RSL24D1: variants seen among roughly 807,000 people sequenced by gnomAD.
The protein encoded by RSL24D1 is probable ribosome biogenesis protein RLP24.
In RSL24D1, 6 loss-of-function variants were observed where a neutral mutation model predicts 26.2. The ratio of observed to expected loss-of-function variants is 0.23; its 90% CI spans 0.13 to 0.45. The LOEUF is 0.45. Ranked by LOEUF, RSL24D1 falls within the 20% of genes least tolerant of loss-of-function variation. The pLI, the probability that RSL24D1 is intolerant of heterozygous loss-of-function variation, is 0.99. For synonymous variants in RSL24D1, 61 were observed against 59.1 expected, an observed-to-expected ratio of 1.03 and a Z score of -0.15; for missense variants, 176 against 202.6, an observed-to-expected ratio of 0.87 and a Z score of 0.80.
intron 3 of RSL24D1, among the ~76,000 whole-genome samples, chr15:55,188,692 T>A (rs563117900): frequency 1.6e-4 from 25 of 152,278 alleles, no homozygotes; most frequent in African/African-American, 5.8e-4. Context: ...GCAATGTAAA[T>A]AACATGACAC....
At chr15:55,183,978 A>C (rs745871861) in intron 4 of RSL24D1, among the ~76,000 whole-genome samples, 1 of 152,224 alleles carries the variant, frequency 6.6e-6, no homozygotes, top group Non-Finnish European at 1.5e-5. Flanking sequence ...CCTCAAATAG[A>C]TAAGTCTCTG....
At chr15:55,182,867 A>C (rs192511097) in intron 5 of RSL24D1, among the ~76,000 whole-genome samples, 4 of 152,312 alleles carry the variant, frequency 2.6e-5, no homozygotes, top group Non-Finnish European at 4.4e-5. Flanking sequence ...TGAGCAAAAG[A>C]AACAGTAGTC....
intron 4 of RSL24D1, 128 bp downstream of exon 4, chr15:55,185,234 T>C: frequency 3.5e-6 from 2 of 563,882 alleles, no homozygotes; most frequent in Non-Finnish European, 6.2e-6. Context: ...GTTCTTCATA[T>C]TATTCCTTGA....
chr15:55,183,454 G>T, intron 4 of RSL24D1, 54 bp from the exon 5 acceptor site: 2 of 1,287,980 alleles, frequency 1.6e-6, no homozygotes, highest in Non-Finnish European at 2.2e-6. Flanking sequence ...TGCTTTAAGA[G>T]GCATCAATTC....
intron 3 of RSL24D1, among the ~76,000 whole-genome samples, chr15:55,187,752 G>A (rs753108922): frequency 2.6e-5 from 4 of 151,920 alleles, no homozygotes; most frequent in Non-Finnish European, 5.9e-5. Flanking sequence ...AAGGGGGAGT[G>A]GGGTGGGGTA....
At chr15:55,188,731 TC>T (rs1176217645) in intron 3 of RSL24D1, among the ~76,000 whole-genome samples, 1 of 152,254 alleles carries the variant, frequency 6.6e-6, no homozygotes, top group Non-Finnish European at 1.5e-5. Context: ...AACTGATTAT[TC>T]ACATATCGCT....
chr15:55,184,442 T>C (rs1327649074), intron 4 of RSL24D1, among the ~76,000 whole-genome samples: 1 of 152,102 alleles, frequency 6.6e-6, no homozygotes, highest in Non-Finnish European at 1.5e-5. Flanking sequence ...TTGAAATTGA[T>C]GGAAAAGGGA....
Position 55,191,131 on chromosome 15 carries a change from A to G in RSL24D1, c.196-84T>C, listed in dbSNP as rs571271472. On this transcript the variant is annotated intron_variant, in intron 2 of 5. Transcript: ENST00000260443. ...TTTCTTAAAACGTCTTCCTTTTCCT[A>G]AGTGTTCTAAATGAACATACACCTA... 1.5e-5 allele frequency: 14 copies of G among 940,680 alleles called. No homozygotes were observed. In the African/African-American group the frequency reaches 1.5e-4, roughly 10 times the overall value. 58.3% of individuals were successfully genotyped at this position (940,680 alleles called of 1,614,324 possible).
rs1408213973 is a variant in RSL24D1, at chr15:55,183,416, T to C, written c.333-16A>G. On this transcript the variant is annotated splice_polypyrimidine_tract_variant and intron_variant, in intron 4 of 5. Transcript: ENST00000260443. ...TTTCTTCAATCTACAACAAAACATA[T>C]TAAAGCCAAAATTTCAGTTACTAAC... 6.3e-7 allele frequency: 1 copy of C among 1,597,164 alleles called. No individual in the cohort carries two copies. The highest frequency in any genetic ancestry group is 1.3e-5 in the African/African-American group (1 of 74,366).
chr15:55,186,154 T>G (rs552637973), intron 3 of RSL24D1, among the ~76,000 whole-genome samples: 1 of 152,318 alleles, frequency 6.6e-6, no homozygotes, highest in South Asian at 2.1e-4. Flanking sequence ...TTTATCCTTG[T>G]TTTCATATTA....
intron 1 of RSL24D1, among the ~76,000 whole-genome samples, chr15:55,195,068 G>C (rs559270416): frequency 7.1e-6 from 1 of 140,690 alleles, no homozygotes; most frequent in African/African-American, 2.7e-5. Flanking sequence ...GGCTATAAAA[G>C]TGGTAAGAGC....
Position 55,196,911 on chromosome 15 carries a change from C to T in RSL24D1, c.-21G>A. The T allele has an allele frequency of 1.9e-6, 3 of 1,612,048 alleles. No homozygotes were observed. Among genetic ancestry groups the T allele is most frequent in the Non-Finnish European group, 1.7e-6 (2 of 1,178,222 alleles). ...CGCATGTTGAACCCGCGTGTAACCCCACCAAACAAACGCCAAGCTTGAGAG... is the reference window on the plus strand; with the variant it reads ...CGCATGTTGAACCCGCGTGTAACCCTACCAAACAAACGCCAAGCTTGAGAG... On this transcript the variant is annotated 5_prime_UTR_variant, in exon 1 of 6. Transcript: ENST00000260443.
chr15:55,190,615 A>C (rs1243396671), intron 3 of RSL24D1, among the ~76,000 whole-genome samples: 3 of 152,190 alleles, frequency 2.0e-5, no homozygotes, highest in Admixed American at 1.3e-4. Context: ...TATGGTCTAA[A>C]CATGTAAAGT....
At chr15:55,183,105 G>A (rs1297624942) in intron 5 of RSL24D1, among the ~76,000 whole-genome samples, 1 of 152,110 alleles carries the variant, frequency 6.6e-6, no homozygotes. Flanking sequence ...GGGGGATATG[G>A]AACATAGAAT....
At chr15:55,183,281 C>T in intron 5 of RSL24D1, 34 bp downstream of exon 5, 1 of 1,548,240 alleles carries the variant, frequency 6.5e-7, no homozygotes, top group Non-Finnish European at 8.9e-7. Context: ...AATACACAGA[C>T]CACAAAAATC....
chr15:55,194,542 T>A (rs1894333605), intron 1 of RSL24D1, among the ~76,000 whole-genome samples: 1 of 152,120 alleles, frequency 6.6e-6, no homozygotes, highest in Non-Finnish European at 1.5e-5. Context: ...TAACAAATGA[T>A]CCCCCATACC....
chr15:55,188,849 T>C (rs1329546071), intron 3 of RSL24D1, among the ~76,000 whole-genome samples: 8 of 150,912 alleles, frequency 5.3e-5, no homozygotes, highest in Non-Finnish European at 8.8e-5. Flanking sequence ...CAAGTAATAA[T>C]AACAACAACA....
rs1194798815 is a variant in RSL24D1 at position 55,192,674 on chromosome 15, A to G, written c.195+46T>C. The G allele has an allele frequency of 3.1e-5, 42 of 1,375,616 alleles. No homozygotes were observed. The Admixed American group carries it at 4.0e-4, about 13-fold the overall frequency. 85.2% of individuals were successfully genotyped at this position (1,375,616 alleles called of 1,614,324 possible). ...ATGACATATACCCTTCAAATACTAA[A>G]ACTGTGAAACGTGTAAAAACTATAT... On this transcript the variant is annotated intron_variant, in intron 2 of 5. Transcript: ENST00000260443.
At chr15:55,186,644 C>T (rs1894227113) in intron 3 of RSL24D1, among the ~76,000 whole-genome samples, 1 of 152,058 alleles carries the variant, frequency 6.6e-6, no homozygotes, top group Non-Finnish European at 1.5e-5. Flanking sequence ...TTCCAGATTA[C>T]AAGAGATTAA....
Sources: gnomAD v4.1 joint callset for allele counts (sites outside exome capture counted in the v4.1 genomes callset) on GRCh38, gnomAD v4.1.1 for gene constraint, MANE v1.5 for transcripts, NCBI Gene and HGNC (gene_info 2026-07-23, HGNC 2026-07-21) for gene names.